TTC6: variants seen among roughly 807,000 people sequenced by gnomAD.
The protein encoded by TTC6 is tetratricopeptide repeat protein 6.
In TTC6, 172 loss-of-function variants were observed where a neutral mutation model predicts 210.4. That is an observed-to-expected ratio of 0.82 (90% CI 0.72 to 0.93). The LOEUF (loss-of-function observed/expected upper bound fraction) is 0.93, where lower values mean the gene tolerates loss of function less well. TTC6 is among the 40% of genes least tolerant of loss of function. The pLI is 0.00. For missense variants in TTC6, 2,414 were observed against 2,318.1 expected (o/e 1.04, Z -0.85); for synonymous variants, 804 against 819.6 (o/e 0.98, Z 0.32).
intron 12 of TTC6, among the ~76,000 whole-genome samples, chr14:37,750,463 C>T (rs555396722): frequency 3.3e-5 from 5 of 151,952 alleles, no homozygotes; most frequent in East Asian, 1.9e-4. Flanking sequence ...TAAAGGATTA[C>T]GAAAAAACAT....
chr14:37,670,456 C>G (rs2095756009), intron 1 of TTC6, among the ~76,000 whole-genome samples: 1 of 145,666 alleles, frequency 6.9e-6, no homozygotes, highest in Non-Finnish European at 1.5e-5. Context: ...TCCTAAGGAT[C>G]TAGCACAAAC....
At chr14:37,665,351 C>T (rs1283952810) in intron 1 of TTC6, among the ~76,000 whole-genome samples, 7 of 150,598 alleles carry the variant, frequency 4.6e-5, no homozygotes, top group Middle Eastern at 3.4e-3. Flanking sequence ...TTTGCAGGGA[C>T]ATGGATGGAG....
intron 14 of TTC6, among the ~76,000 whole-genome samples, chr14:37,768,977 T>C (rs1204374511): frequency 1.3e-5 from 2 of 152,094 alleles, no homozygotes; most frequent in African/African-American, 4.8e-5. Flanking sequence ...ATACGTCCCA[T>C]CAATACCTAA....
chr14:37,680,221 C>A (rs2095780131), exon 2 of TTC6: 1 of 1,533,838 alleles, frequency 6.5e-7, no homozygotes. Context: ...GAGATACAAG[C>A]AGAGTATAAA....
intron 17 of TTC6, among the ~76,000 whole-genome samples, chr14:37,793,260 C>T (rs1465249957): frequency 6.6e-6 from 1 of 152,154 alleles, no homozygotes; most frequent in Admixed American, 6.5e-5. Context: ...TGCAAGACCC[C>T]ACAGGAGCTA....
intron 10 of TTC6, among the ~76,000 whole-genome samples, chr14:37,748,238 T>C (rs2095941799): frequency 6.6e-6 from 1 of 152,240 alleles, no homozygotes; most frequent in African/African-American, 2.4e-5. Flanking sequence ...CTTACTTTTG[T>C]TCTCCTAGTG....
At chr14:37,775,118 A>G (rs1439571940) in intron 14 of TTC6, among the ~76,000 whole-genome samples, 1 of 151,974 alleles carries the variant, frequency 6.6e-6, no homozygotes, top group Non-Finnish European at 1.5e-5. Context: ...GGATCTTCTT[A>G]TTTTGTAATT....
chr14:37,622,866 C>T (rs1254085984), exon 1 of TTC6: 1 of 1,534,802 alleles, frequency 6.5e-7, no homozygotes, highest in Non-Finnish European at 8.7e-7. Flanking sequence ...GCAGGCGCTG[C>T]TGCCCTCCCG....
Position 37,792,398 on chromosome 14 carries a change from CG to C in TTC6, c.3694del (p.Glu1232LysfsTer9). 1 of 1,504,822 alleles carries C rather than the reference CG, an allele frequency of 6.6e-7. No homozygotes were observed. The highest frequency in any genetic ancestry group is 8.8e-7 in the Non-Finnish European group (1 of 1,135,164). 93.2% of individuals were successfully genotyped at this position (1,504,822 alleles called of 1,614,324 possible). A position where few individuals can be genotyped will look rare whatever the true frequency, so the allele number is the denominator to read the frequency against. On this transcript the variant is annotated frameshift_variant, in exon 17 of 31. Coordinates refer to ENST00000553443, the Ensembl canonical transcript of TTC6. LOFTEE classifies it high-confidence loss of function. ...TGTATTCAAAGCTATCTTTGTCGGG[CG>C]GAAACCTATTTTAAGGTATTTAAGG...
chr14:37,649,634 G>A (rs1341719602), intron 1 of TTC6, among the ~76,000 whole-genome samples: 4 of 152,230 alleles, frequency 2.6e-5, no homozygotes, highest in African/African-American at 4.8e-5. Flanking sequence ...ATGCTCTGCG[G>A]TAGTGCCTTT....
chr14:37,597,005 A>AT (rs34214926), intron 1 of TTC6, among the ~76,000 whole-genome samples: 3,760 of 138,496 alleles, frequency 0.027, 89 homozygotes, highest in African/African-American at 0.056. Flanking sequence ...ATTGGATTAC[A>AT]TTTTTTTTTT....
intron 2 of TTC6, among the ~76,000 whole-genome samples, chr14:37,609,206 C>T (rs1363357472): frequency 6.6e-6 from 1 of 152,046 alleles, no homozygotes; most frequent in African/African-American, 2.4e-5. Flanking sequence ...ATTCCTTGAG[C>T]CCAAAAGCTC....
intron 14 of TTC6, among the ~76,000 whole-genome samples, chr14:37,771,592 G>T (rs975429327): frequency 1.2e-4 from 19 of 152,092 alleles, no homozygotes; most frequent in South Asian, 2.1e-4. Flanking sequence ...CCAGTTGATT[G>T]CATTGGCTCC....
At chr14:37,800,748 G>A (rs367706884) in intron 20 of TTC6, among the ~76,000 whole-genome samples, 2 of 152,188 alleles carry the variant, frequency 1.3e-5, no homozygotes, top group South Asian at 4.1e-4. Context: ...TTTGTCTAAT[G>A]AAGTGAATCC....
intron 3 of TTC6, among the ~76,000 whole-genome samples, chr14:37,687,447 G>T (rs953009514): frequency 7.2e-5 from 11 of 152,064 alleles, no homozygotes; most frequent in Non-Finnish European, 1.3e-4. Context: ...GGTTGAACTG[G>T]GCTCAGAGAT....
At chr14:37,651,414 T>A (rs1253378358) in intron 1 of TTC6, among the ~76,000 whole-genome samples, 1 of 27,516 alleles carries the variant, frequency 3.6e-5, no homozygotes, top group African/African-American at 2.1e-4. Flanking sequence ...TATATATATA[T>A]ATATATATAT....
chr14:37,615,866 T>A lies in TTC6; in HGVS notation c.-154-6184T>A, dbSNP rs77083547. Among the ~76,000 whole-genome samples the A allele has an allele frequency of 2.0e-4, 30 of 152,356 alleles. No homozygotes were observed. In the East Asian group the frequency reaches 5.8e-3, roughly 29 times the overall value. Reference sequence around the variant, plus strand: ...CTAATAATCTCAACACCTGAGTCATTTCTGGACTGGAATCTGTTTATTATG... The same window carrying A: ...CTAATAATCTCAACACCTGAGTCATATCTGGACTGGAATCTGTTTATTATG... On this transcript the variant is annotated intron_variant, in intron 2 of 2. Transcript: ENST00000556845.
chr14:37,788,816 C>G (rs2096073279), intron 15 of TTC6, among the ~76,000 whole-genome samples: 1 of 152,152 alleles, frequency 6.6e-6, no homozygotes, highest in African/African-American at 2.4e-5. Flanking sequence ...GCACAGATAA[C>G]TTAAATTTGA....
At chr14:37,696,609 A>G (rs1440359563) in intron 3 of TTC6, 108 bp from the exon 6 acceptor site, 2 of 467,656 alleles carry the variant, frequency 4.3e-6, no homozygotes, top group Non-Finnish European at 3.6e-6. Context: ...TATAACATAT[A>G]CATAGAAATC....
Sources: allele counts gnomAD v4.1 joint callset (sites outside exome capture counted in the v4.1 genomes callset), GRCh38; gene constraint gnomAD v4.1.1; transcripts MANE v1.5; gene names NCBI Gene and HGNC (gene_info 2026-07-23, HGNC 2026-07-21).